Variants in ARNT2 observed in about 807,000 individuals in gnomAD.
ARNT2 encodes the protein ARNT protein 2.
ARNT2 carries 36 observed loss-of-function variants against 91.7 expected under a neutral mutation model. The observed-to-expected ratio is 0.39, with a 90% CI of 0.30 to 0.52. ARNT2 has a LOEUF of 0.52. Among genes scored for constraint, ARNT2 ranks in the 20% least tolerant of loss-of-function variants. The pLI is 0.72. For synonymous variants in ARNT2, 365 were observed against 347.1 expected (o/e 1.05, Z -0.57); for missense variants, 775 against 939.3 (o/e 0.83, Z 2.29).
intron 5 of ARNT2, among the ~76,000 whole-genome samples, chr15:80,504,807 G>A (rs1365192467): frequency 6.6e-6 from 1 of 152,036 alleles, no homozygotes; most frequent in African/African-American, 2.4e-5. Context: ...AAAGGGAAGG[G>A]GATTGCTCAG....
intron 17 of ARNT2, among the ~76,000 whole-genome samples, chr15:80,582,487 C>T (rs910233733): frequency 6.6e-6 from 1 of 151,710 alleles, no homozygotes; most frequent in Non-Finnish European, 1.5e-5. Context: ...CACAGTGAGA[C>T]CCTGTCTGAA....
At chr15:80,486,311 A>G (rs749061370) in intron 5 of ARNT2, among the ~76,000 whole-genome samples, 10 of 152,182 alleles carry the variant, frequency 6.6e-5, no homozygotes, top group Non-Finnish European at 1.2e-4. Context: ...GTGGACATGA[A>G]TTTTGGGCAG....
chr15:80,508,054 C>T, intron 5 of ARNT2, 102 bp from the exon 6 acceptor site: 3 of 1,084,412 alleles, frequency 2.8e-6, no homozygotes, highest in Non-Finnish European at 4.1e-6. Flanking sequence ...CCACACTTGT[C>T]CTCATTTGGC....
intron 5 of ARNT2, among the ~76,000 whole-genome samples, chr15:80,499,987 G>A (rs1021087600): frequency 1.5e-4 from 23 of 152,134 alleles, no homozygotes; most frequent in African/African-American, 4.6e-4. Flanking sequence ...GGCTGCAACC[G>A]GTGAATTGAT....
rs937968659 is a variant in ARNT2 at position 80,441,430 on chromosome 15, A to G, written c.32-9450A>G. On this transcript the variant is annotated intron_variant, in intron 1 of 18. Transcript: ENST00000303329. ...TCTGTGAAGAGAATTGTTCTAAGAG[A>G]GATGAATATTGAGAAGAGCGTTTTT... The G allele has an allele frequency of 5.8e-5, 57 of 976,296 alleles. No homozygotes were observed. In the African/African-American group the frequency reaches 9.5e-4, roughly 16 times the overall value. 60.5% of individuals were successfully genotyped at this position (976,296 alleles called of 1,614,324 possible). A position where few individuals can be genotyped will look rare whatever the true frequency, so the allele number is the denominator to read the frequency against.
intron 1 of ARNT2, among the ~76,000 whole-genome samples, chr15:80,408,052 C>CT (rs1043875480): frequency 6.6e-6 from 1 of 152,042 alleles, no homozygotes; most frequent in Admixed American, 6.6e-5. Context: ...TGGAATTCCA[C>CT]TTTTTTTTCT....
At chr15:80,554,783 C>A in intron 10 of ARNT2, 2 of 313,246 alleles carry the variant, frequency 6.4e-6, no homozygotes, top group Non-Finnish European at 1.2e-5. Flanking sequence ...CTCTCCAAGA[C>A]AAACAAAAAT....
rs150448592 is a variant in ARNT2 at position 80,442,489 on chromosome 15, A to C, written c.32-8391A>C. ...CATCTCTGACCATCGTTCAGCTTCT[A>C]GCACAGCCCCTGGCTCAAAAGAAGA... On this transcript the variant is annotated intron_variant, in intron 1 of 18. Transcript: ENST00000303329. Among the ~76,000 whole-genome samples, 473 of 152,364 alleles carry C rather than the reference A, an allele frequency of 3.1e-3. 3 individuals are homozygous for C. Among genetic ancestry groups the C allele is most frequent in the Middle Eastern group, 0.014 (4 of 294 alleles).
At chr15:80,418,941 G>A (rs1400456884) in intron 1 of ARNT2, among the ~76,000 whole-genome samples, 2 of 152,216 alleles carry the variant, frequency 1.3e-5, no homozygotes, top group East Asian at 3.9e-4. Flanking sequence ...TTAGGTGCTG[G>A]GAATACACTG....
At chr15:80,485,316 G>A (rs942348375) in intron 5 of ARNT2, among the ~76,000 whole-genome samples, 35 of 152,254 alleles carry the variant, frequency 2.3e-4, no homozygotes, top group Admixed American at 1.8e-3. Context: ...AAGAAAAGAG[G>A]CACTTACTTT....
chr15:80,579,129 A>T (rs928662553), intron 15 of ARNT2, among the ~76,000 whole-genome samples: 1 of 152,204 alleles, frequency 6.6e-6, no homozygotes, highest in Non-Finnish European at 1.5e-5. Flanking sequence ...CCTTTCTGCC[A>T]AGGCGCCTTT....
At position 80,469,888 on chromosome 15, in the gene ARNT2, T is replaced by A. The variant is rs926101069; in HGVS notation, c.195-330T>A. Among the ~76,000 whole-genome samples, 4 of 152,222 alleles carry A rather than the reference T, an allele frequency of 2.6e-5. No individual in the cohort carries two copies. The South Asian group carries it at 6.2e-4, about 24-fold the overall frequency. On this transcript the variant is annotated intron_variant, in intron 3 of 18. Transcript: ENST00000303329. ...CCTTGGCCTCCCAAAGTGCTGGGAC[T>A]GCAGATGTGAGCCACCGTGCCCAGC...
chr15:80,421,540 A>T (rs1489407507), intron 1 of ARNT2, among the ~76,000 whole-genome samples: 1 of 152,172 alleles, frequency 6.6e-6, no homozygotes, highest in Admixed American at 6.5e-5. Context: ...GTCATTTTTA[A>T]CCTATAGTTC....
intron 3 of ARNT2, among the ~76,000 whole-genome samples, chr15:80,469,763 C>T (rs1038590056): frequency 2.6e-5 from 4 of 152,086 alleles, no homozygotes; most frequent in African/African-American, 7.2e-5. Flanking sequence ...TACAGGCATG[C>T]GCTACCATGC....
intron 1 of ARNT2, among the ~76,000 whole-genome samples, chr15:80,406,584 A>G (rs1401812259): frequency 6.6e-6 from 1 of 152,208 alleles, no homozygotes; most frequent in East Asian, 1.9e-4. Context: ...CATGAGCTAC[A>G]TGGACTAAAG....
chr15:80,430,941 T>C (rs1595958752), intron 1 of ARNT2, among the ~76,000 whole-genome samples: 1 of 152,032 alleles, frequency 6.6e-6, no homozygotes, highest in South Asian at 2.1e-4. Flanking sequence ...GGGTGGTGCA[T>C]GTACGTGGTG....
intron 9 of ARNT2, 144 bp from the exon 10 acceptor site, chr15:80,552,496 T>C (rs1358226359): frequency 2.0e-6 from 2 of 1,024,058 alleles, no homozygotes; most frequent in Admixed American, 5.5e-5. Flanking sequence ...GGGATAGATA[T>C]TTGAACACTT....
intron 5 of ARNT2, among the ~76,000 whole-genome samples, chr15:80,484,171 T>C (rs1401848952): frequency 6.7e-6 from 1 of 148,816 alleles, no homozygotes; most frequent in African/African-American, 2.6e-5. Context: ...AGGTAACATA[T>C]ATAAATGTGG....
intron 1 of ARNT2, among the ~76,000 whole-genome samples, chr15:80,432,161 G>A (rs1012580505): frequency 6.6e-6 from 1 of 152,204 alleles, no homozygotes; most frequent in Non-Finnish European, 1.5e-5. Context: ...GCTCCCTGGA[G>A]GGTGTGGACT....
Sources: allele counts gnomAD v4.1 joint callset (sites outside exome capture counted in the v4.1 genomes callset), GRCh38; gene constraint gnomAD v4.1.1; transcripts MANE v1.5; gene names NCBI Gene and HGNC (gene_info 2026-07-23, HGNC 2026-07-21).